GYS2: variants seen among roughly 807,000 people sequenced by gnomAD.
GYS2 encodes the protein glycogen [starch] synthase, liver.
A neutral mutation model predicts 85.6 loss-of-function variants in GYS2; 80 were observed. The observed-to-expected ratio is 0.93, with a 90% CI of 0.78 to 1.13. The LOEUF is 1.13. Ranked by LOEUF, GYS2 falls within the 50% of genes most tolerant of loss-of-function variation. GYS2 has a pLI of 0.00. For synonymous variants in GYS2, 328 were observed against 300.7 expected, an observed-to-expected ratio of 1.09 and a Z score of -0.94; for missense variants, 881 against 854.9, an observed-to-expected ratio of 1.03 and a Z score of -0.38.
intron 8 of GYS2, 70 bp downstream of exon 8, chr12:21,560,316 A>T: frequency 2.4e-6 from 2 of 850,884 alleles, no homozygotes; most frequent in Admixed American, 3.4e-5. Flanking sequence ...GCGATACATG[A>T]GATGTCATTC....
At chr12:21,574,806 A>G (rs1944426976) in intron 3 of GYS2, among the ~76,000 whole-genome samples, 1 of 152,050 alleles carries the variant, frequency 6.6e-6, no homozygotes, top group South Asian at 2.1e-4. Flanking sequence ...TATTTACTAA[A>G]GAAATGGCCA....
intron 1 of GYS2, among the ~76,000 whole-genome samples, chr12:21,590,572 TCACCCACACCA>T (rs1352454297): frequency 6.6e-6 from 1 of 151,940 alleles, no homozygotes; most frequent in African/African-American, 2.4e-5. Context: ...GCTACAGCCA[TCACCCACACCA>T]CACCCACTGT....
downstream of GYS2, among the ~76,000 whole-genome samples, chr12:21,533,182 T>C (rs1943881216): frequency 6.6e-6 from 1 of 152,200 alleles, no homozygotes; most frequent in African/African-American, 2.4e-5. Flanking sequence ...CTTCTCTTTT[T>C]TGCCTCTATA....
At chr12:21,552,251 T>C (rs903109578) in intron 11 of GYS2, among the ~76,000 whole-genome samples, 1 of 152,208 alleles carries the variant, frequency 6.6e-6, no homozygotes, top group African/African-American at 2.4e-5. Flanking sequence ...CTCAGGAAGT[T>C]AGTTTATTTT....
intron 15 of GYS2, among the ~76,000 whole-genome samples, chr12:21,538,715 G>A (rs1943938181): frequency 6.6e-6 from 1 of 152,182 alleles, no homozygotes; most frequent in Non-Finnish European, 1.5e-5. Context: ...CCTGCTTCAA[G>A]TGGCACCTCA....
At chr12:21,559,573 A>G (rs1944226060) in intron 9 of GYS2, 78 bp downstream of exon 9, 4 of 824,314 alleles carry the variant, frequency 4.9e-6, no homozygotes, top group African/African-American at 3.4e-5. Flanking sequence ...CAAAATTAAT[A>G]AGTTATGATG....
intron 1 of GYS2, 57 bp from the exon 2 acceptor site, chr12:21,580,580 A>G (rs990314272): frequency 7.8e-6 from 10 of 1,276,478 alleles, no homozygotes; most frequent in Non-Finnish European, 1.1e-5. Context: ...GTTTAAAGTA[A>G]TAAGGGATGG....
chr12:21,576,867 C>A (rs1944452900), intron 2 of GYS2, among the ~76,000 whole-genome samples: 1 of 152,156 alleles, frequency 6.6e-6, no homozygotes, highest in Non-Finnish European at 1.5e-5. Context: ...TCTCCTTTTA[C>A]ATGATATACA....
intron 15 of GYS2, among the ~76,000 whole-genome samples, chr12:21,538,969 A>G (rs1210993773): frequency 1.3e-5 from 2 of 152,312 alleles, no homozygotes; most frequent in East Asian, 3.9e-4. Flanking sequence ...AAAGCAGTCC[A>G]GTTTGTTTTT....
chr12:21,533,780 G>A (rs777652312), downstream of GYS2, among the ~76,000 whole-genome samples: 1 of 152,200 alleles, frequency 6.6e-6, no homozygotes, highest in Non-Finnish European at 1.5e-5. Context: ...AGTTCAGGCT[G>A]CTAAAACAAA....
intron 11 of GYS2, among the ~76,000 whole-genome samples, chr12:21,551,077 G>T (rs1249929487): frequency 1.3e-5 from 2 of 150,764 alleles, no homozygotes; most frequent in African/African-American, 2.4e-5. Flanking sequence ...AGTTACATAC[G>T]TATACATGTG....
chr12:21,586,449 A>G (rs1359110820), intron 1 of GYS2, among the ~76,000 whole-genome samples: 1 of 151,522 alleles, frequency 6.6e-6, no homozygotes, highest in Non-Finnish European at 1.5e-5. Flanking sequence ...CTATCTATCT[A>G]TCTATCTATC....
intron 4 of GYS2, among the ~76,000 whole-genome samples, chr12:21,573,907 T>A (rs1241845460): frequency 6.6e-6 from 1 of 152,224 alleles, no homozygotes; most frequent in African/African-American, 2.4e-5. Flanking sequence ...GGAACTATTG[T>A]TCCAAAGTGG....
At position 21,573,777 on chromosome 12, in the gene GYS2, T is replaced by G. The variant is rs527601958; in HGVS notation, c.678+367A>C. Among the ~76,000 whole-genome samples, 3 of 152,348 alleles carry G rather than the reference T, an allele frequency of 2.0e-5. No homozygotes were observed. In the South Asian group the frequency reaches 6.2e-4, roughly 32 times the overall value. On this transcript the variant is annotated intron_variant, in intron 4 of 15. Coordinates refer to ENST00000261195, the MANE Select transcript of GYS2 (RefSeq NM_021957.4). ...TTGTATGTCTCAAATCTCAATTATC[T>G]ACCTGCCACTCAGAGCTGCATGTGG... is the stretch of plus-strand genomic sequence containing the variant.
intron 1 of GYS2, among the ~76,000 whole-genome samples, chr12:21,583,863 G>A (rs1210007829): frequency 6.6e-6 from 1 of 152,222 alleles, no homozygotes; most frequent in Non-Finnish European, 1.5e-5. Flanking sequence ...ATGCGATTGG[G>A]CTTGAGCAGA....
rs754118662 is a variant in GYS2 at position 21,575,853 on chromosome 12, T to A, written c.495+13A>T. The A allele has an allele frequency of 6.3e-7, 1 of 1,595,058 alleles. No individual in the cohort carries two copies. The highest frequency in any genetic ancestry group is 1.1e-5 in the South Asian group (1 of 90,682). ...GCTGCTCCTCCGTTGTATCACTATA[T>A]AATAAACCATACCTCTTTTAAGAAC... On this transcript the variant is annotated intron_variant, in intron 3 of 15. Transcript: ENST00000261195.
intron 1 of GYS2, among the ~76,000 whole-genome samples, chr12:21,584,559 C>T (rs756529068): frequency 6.6e-6 from 1 of 152,152 alleles, no homozygotes. Flanking sequence ...CATGGACTTC[C>T]ACTCACCAAA....
intron 1 of GYS2, among the ~76,000 whole-genome samples, chr12:21,602,229 T>G (rs569851976): frequency 5.9e-5 from 9 of 152,208 alleles, no homozygotes; most frequent in Admixed American, 3.9e-4. Flanking sequence ...GACATTTCCT[T>G]TGAAAACTGA....
intron 4 of GYS2, among the ~76,000 whole-genome samples, chr12:21,570,134 C>A (rs1183741106): frequency 2.0e-5 from 3 of 152,140 alleles, no homozygotes; most frequent in African/African-American, 7.2e-5. Flanking sequence ...AACAAGAAAA[C>A]TCCTAGAGCA....
Sources: gnomAD v4.1 joint callset for allele counts (sites outside exome capture counted in the v4.1 genomes callset) on GRCh38, gnomAD v4.1.1 for gene constraint, MANE v1.5 for transcripts, NCBI Gene and HGNC (gene_info 2026-07-23, HGNC 2026-07-21) for gene names.